Variants in POLE observed in about 807,000 individuals in gnomAD.
POLE encodes the protein DNA polymerase epsilon catalytic subunit A.
A neutral mutation model predicts 279.2 loss-of-function variants in POLE; 188 were observed. The ratio of observed to expected loss-of-function variants is 0.67; its 90% confidence interval spans 0.60 to 0.76. POLE has a LOEUF of 0.76. POLE is among the 30% of genes least tolerant of loss of function. POLE has a pLI of 0.00. For synonymous variants in POLE, 1,214 were observed against 1,172.5 expected, an observed-to-expected ratio of 1.04 and a Z score of -0.72; for missense variants, 2,703 against 3,016.7, an observed-to-expected ratio of 0.90 and a Z score of 2.44.
At chr12:132,669,091 G>A in intron 16 of POLE, 152 bp from the exon 17 acceptor site, 1 of 650,744 alleles carries the variant, frequency 1.5e-6, no homozygotes, top group Non-Finnish European at 2.5e-6. Context: ...AAGAAGGGTT[G>A]CCATCATTTC....
At chr12:132,632,243 GCA>G (rs1330583638) in intron 45 of POLE, 70 bp downstream of exon 45, 2 of 1,240,792 alleles carry the variant, frequency 1.6e-6, no homozygotes, top group African/African-American at 3.0e-5. Context: ...GCCTCACCTT[GCA>G]CACAGTAACA....
chr12:132,664,602 G>A lies in POLE; in HGVS notation c.2469-140C>T. The A allele has an allele frequency of 1.5e-6, 1 of 684,670 alleles. No individual in the cohort carries two copies. The highest frequency in any genetic ancestry group is 2.6e-6 in the Non-Finnish European group (1 of 382,540). The allele number at this position is 684,670 out of a possible 1,614,324, so 42.4% of individuals were successfully genotyped here. A position where few individuals can be genotyped will look rare whatever the true frequency, so the allele number is the denominator to read the frequency against. On this transcript the variant is annotated intron_variant, in intron 21 of 48. Coordinates refer to ENST00000320574, the MANE Select transcript of POLE (RefSeq NM_006231.4). This position sits in a 1 kb window ranked among gnomAD's most constrained non-coding sequence, Gnocchi z 5.3. ...AGCCAAATGTGCGTGCACCAGGACAGAACTAAGGTGGAATCTGGCTCTGCC... is the reference window on the plus strand; with the variant it reads ...AGCCAAATGTGCGTGCACCAGGACAAAACTAAGGTGGAATCTGGCTCTGCC...
intron 41 of POLE, 106 bp from the exon 42 acceptor site, chr12:132,636,130 G>A (rs2042027726): frequency 6.7e-6 from 8 of 1,189,692 alleles, no homozygotes; most frequent in Non-Finnish European, 9.3e-6. Context: ...ACTTAACACT[G>A]AATTTGAAAG....
In POLE at chr12:132,643,527, C is replaced by G; in HGVS notation, c.4324G>C (p.Gly1442Arg). The change falls in exon 34 of 49, where the codon GGC (glycine) becomes CGC (arginine). Residue 1442 changes from glycine to arginine, a missense_variant. Physicochemically the swap from Gly to Arg is moderately radical, Grantham distance 125. Coordinates refer to ENST00000320574, the MANE Select transcript of POLE (RefSeq NM_006231.4). ...TGTTTATTGACCACACACACACAGCCCAGGTGCACCAGGGCCCGGAACAGT... is the reference window on the plus strand; with the variant it reads ...TGTTTATTGACCACACACACACAGCGCAGGTGCACCAGGGCCCGGAACAGT... The part of the protein sequence containing the change: ...PLLFRALVHL[G>R]CVCVVNKQLV... 6.2e-7 allele frequency: 1 copy of G among 1,614,118 alleles called. No homozygotes were observed. The highest frequency in any genetic ancestry group is 8.5e-7 in the Non-Finnish European group (1 of 1,180,016).
chr12:132,660,654 G>A (rs2042657082), intron 25 of POLE: 5 of 245,996 alleles, frequency 2.0e-5, no homozygotes, highest in Non-Finnish European at 2.3e-5. Context: ...CAGTGGTGCA[G>A]TCACGGCTCA....
rs1555227245 is a variant in POLE, at chr12:132,668,401, G to A, written c.2128C>T (p.Leu710=). ...PEGPARAFHE[L]SREEQAKYEK... is the part of the protein sequence containing the mutation. ...TATTTCGCCTGTTCCTCGCGGGACA[G>A]TTCATGAAAGGCCCGAGCTGGCCCC... Residue 710 remains leucine (L), a synonymous_variant, in exon 19 of 49, where the codon CTG becomes TTG. Coordinates refer to ENST00000320574, the MANE Select transcript of POLE (RefSeq NM_006231.4). The surrounding 1 kb of genome is among the most constrained non-coding windows in gnomAD (Gnocchi z 4.0). 1.2e-6 allele frequency: 2 copies of A among 1,611,788 alleles called. No homozygotes were observed. The highest frequency in any genetic ancestry group is 1.7e-6 in the Non-Finnish European group (2 of 1,178,780).
In POLE at chr12:132,642,184, G is replaced by T. The variant is rs775140280; in HGVS notation, c.5166C>A (p.Tyr1722Ter). ...GTCCTCCCGCCCACTTACCTGTGGAGTAACAGCCTGAACTGTTGATCTCAA... is the reference window on the plus strand; with the variant it reads ...GTCCTCCCGCCCACTTACCTGTGGATTAACAGCCTGAACTGTTGATCTCAA... ...ATVEINSSGC[Y>*]STVCVELDLQ... The change falls in exon 38 of 49, where the codon TAC (tyrosine) becomes TAA (stop). Residue 1722 changes from tyrosine to a stop codon, truncating the protein, a stop_gained. Coordinates refer to ENST00000320574, the MANE Select transcript of POLE (RefSeq NM_006231.4). LOFTEE classifies it high-confidence loss of function. 3.8e-6 allele frequency: 6 copies of T among 1,563,902 alleles called. No individual in the cohort carries two copies. Among genetic ancestry groups the T allele is most frequent in the Non-Finnish European group, 5.2e-6 (6 of 1,155,772 alleles).
intron 26 of POLE, chr12:132,658,585 T>C (rs1431195345): frequency 1.3e-5 from 2 of 153,406 alleles, no homozygotes; most frequent in East Asian, 1.9e-4. Flanking sequence ...GAGCCTGTTT[T>C]CATGTCACTA....
At position 132,642,852 on chromosome 12, in the gene POLE, T is replaced by C. The variant is rs1365206650; in HGVS notation, c.4696A>G (p.Arg1566Gly). The C allele has an allele frequency of 5.1e-5, 83 of 1,613,972 alleles. No individual in the cohort carries two copies. Among genetic ancestry groups the C allele is most frequent in the Non-Finnish European group, 6.9e-5 (82 of 1,180,010 alleles). Residue 1566 changes from arginine to glycine, a missense_variant, in exon 36 of 49, where the codon AGA becomes GGA. Arg to Gly is a moderately radical substitution (Grantham distance 125). Around this residue, in one of 5 missense-constraint regions of POLE, gnomAD observed 1,551 missense variants for 1,686.1 expected, o/e 0.92. Coordinates refer to ENST00000320574, the MANE Select transcript of POLE (RefSeq NM_006231.4). ...RAETDLKTIC[R>G]AIQRFLLAYK... Reference sequence around the variant, plus strand: ...GCGAGCAGGAATCGCTGGATGGCTCTGCAGATGGTCTTCAGGTCAGTTTCT... The same window carrying C: ...GCGAGCAGGAATCGCTGGATGGCTCCGCAGATGGTCTTCAGGTCAGTTTCT...
In POLE at chr12:132,624,974, C is replaced by T. The variant is rs1162754521; in HGVS notation, c.6678G>A (p.Gly2226=). The change falls in exon 48 of 49, where the codon GGG becomes GGA. Residue 2226 remains glycine, a synonymous_variant. Coordinates refer to ENST00000320574, the MANE Select transcript of POLE (RefSeq NM_006231.4). The part of the protein sequence containing the change: ...LQDLVCLKCR[G]VKETSMPVYC... ...ACACAGGCATGCTGGTCTCCTTCACCCCGCGGCACTTCAGGCAGACCTGAA... is the reference window on the plus strand; with the variant it reads ...ACACAGGCATGCTGGTCTCCTTCACTCCGCGGCACTTCAGGCAGACCTGAA... 1.1e-5 allele frequency: 18 copies of T among 1,613,816 alleles called. No individual in the cohort carries two copies. The highest frequency in any genetic ancestry group is 1.4e-5 in the Non-Finnish European group (16 of 1,179,990).
Position 132,664,202 on chromosome 12 carries a change from T to A in POLE, c.2562-54A>T. ...GAGTTCCCCTTTCCTTTTCACCCAGTGTGTGGCCTCCAGCCTTCCCTCCTT... is the reference window on the plus strand; with the variant it reads ...GAGTTCCCCTTTCCTTTTCACCCAGAGTGTGGCCTCCAGCCTTCCCTCCTT... On this transcript the variant is annotated intron_variant, in intron 22 of 48. Coordinates refer to ENST00000320574, the MANE Select transcript of POLE (RefSeq NM_006231.4). This position sits in a 1 kb window ranked among gnomAD's most constrained non-coding sequence, Gnocchi z 5.3. 6.3e-7 allele frequency: 1 copy of A among 1,587,688 alleles called. No individual in the cohort carries two copies. The highest frequency in any genetic ancestry group is 1.3e-5 in the African/African-American group (1 of 74,324).
Position 132,665,456 on chromosome 12 carries a change from A to C in POLE, c.2320-6T>G. The stretch of plus-strand genomic sequence containing the variant: ...GAGAGCTTCTTTTTCCACACCTGAG[A>C]AGCACATGAACATGGAGCACCTCAC... On this transcript the variant is annotated splice_polypyrimidine_tract_variant and splice_region_variant and intron_variant, in intron 20 of 48. Transcript: ENST00000320574. The C allele has an allele frequency of 6.2e-7, 1 of 1,606,710 alleles. No individual in the cohort carries two copies. The highest frequency in any genetic ancestry group is 1.1e-5 in the South Asian group (1 of 91,022).
intron 32 of POLE, among the ~76,000 whole-genome samples, chr12:132,648,039 AT>A (rs756172137): frequency 1.1e-4 from 16 of 152,188 alleles, no homozygotes; most frequent in Non-Finnish European, 1.8e-4. Context: ...TTCTTACGTG[AT>A]TCACAGCATC....
In POLE at chr12:132,642,930, T is replaced by C. The variant is rs771331922; in HGVS notation, c.4618A>G (p.Lys1540Glu). 3 of 1,612,176 alleles carry C rather than the reference T, an allele frequency of 1.9e-6. No individual in the cohort carries two copies. Among genetic ancestry groups the C allele is most frequent in the Non-Finnish European group, 2.5e-6 (3 of 1,179,448 alleles). ...YSAEHGLLLE[K>E]VGPELLPPPK... Reference sequence around the variant, plus strand: ...GGTGGCAGGAGCTCAGGGCCCACCTTCTCCAGGAGGAGGCCGTGCTCTGCT... The same window carrying C: ...GGTGGCAGGAGCTCAGGGCCCACCTCCTCCAGGAGGAGGCCGTGCTCTGCT... Residue 1540 changes from lysine (K) to glutamate (E), a missense_variant, in exon 36 of 49, where the codon AAG (lysine) becomes GAG (glutamate). Lys to Glu is a moderately conservative substitution (Grantham distance 56, BLOSUM62 1). Coordinates refer to ENST00000320574, the MANE Select transcript of POLE (RefSeq NM_006231.4).
intron 5 of POLE, 123 bp downstream of exon 5, chr12:132,679,831 C>A: frequency 1.0e-6 from 1 of 969,138 alleles, no homozygotes. Context: ...ATTTTATAGA[C>A]GGTCACCACA....
chr12:132,680,225 G>C lies in POLE; in HGVS notation c.286-3C>G. On this transcript the variant is annotated splice_region_variant and splice_polypyrimidine_tract_variant and intron_variant, in intron 3 of 48. Transcript: ENST00000320574. ...TACGGTTTATAGGGCAAAGCCACCTGTTAAGAGTCACCAACCCATCCAGGG... is the reference window on the plus strand; with the variant it reads ...TACGGTTTATAGGGCAAAGCCACCTCTTAAGAGTCACCAACCCATCCAGGG... 1 of 1,613,662 alleles carries C rather than the reference G, an allele frequency of 6.2e-7. No individual in the cohort carries two copies. The highest frequency in any genetic ancestry group is 8.5e-7 in the Non-Finnish European group (1 of 1,179,560).
rs767447935 is a variant in POLE at position 132,677,736 on chromosome 12, G to A, written c.579-17C>T. The A allele has an allele frequency of 8.7e-6, 14 of 1,612,288 alleles. No individual in the cohort carries two copies. The Admixed American group carries it at 1.2e-4, about 13-fold the overall frequency. On this transcript the variant is annotated splice_polypyrimidine_tract_variant and intron_variant, in intron 6 of 48. Transcript: ENST00000320574. Reference sequence around the variant, plus strand: ...TGCAGAACACTAGGAATTAACAAGAGAGCAACTAACTCAGCTGCCAGGGTC... The same window carrying A: ...TGCAGAACACTAGGAATTAACAAGAAAGCAACTAACTCAGCTGCCAGGGTC...
At chr12:132,638,900 G>T in intron 40 of POLE, 1 of 562,968 alleles carries the variant, frequency 1.8e-6, no homozygotes, top group Non-Finnish European at 3.2e-6. Context: ...TGCAGGAAAG[G>T]GGCAGGAGAG....
At chr12:132,671,346 A>G (rs537136344) in intron 16 of POLE, among the ~76,000 whole-genome samples, 1 of 150,380 alleles carries the variant, frequency 6.6e-6, no homozygotes, top group South Asian at 2.1e-4. Context: ...CTCACTGAAC[A>G]TGATGTAGTG....
Sources: gnomAD v4.1 joint callset for allele counts (sites outside exome capture counted in the v4.1 genomes callset) on GRCh38, gnomAD v4.1.1 for gene constraint, gnomAD v4.1.1 regional missense constraint, Gnocchi (gnomAD v3.1) non-coding constraint, MANE v1.5 for transcripts, NCBI Gene and HGNC (gene_info 2026-07-23, HGNC 2026-07-21) for gene names.